ABCA13: variants seen among roughly 807,000 people sequenced by gnomAD.
ABCA13 encodes ATP-binding cassette sub-family A member 13.
A neutral mutation model predicts 478.7 loss-of-function variants in ABCA13; 476 were observed. The observed-to-expected ratio is 0.99, with a 90% CI of 0.92 to 1.07. ABCA13 has a LOEUF of 1.07. Ranked by LOEUF, ABCA13 falls within the 50% of genes least tolerant of loss-of-function variation. ABCA13 has a pLI of 0.00. For missense variants in ABCA13, 6,060 were observed against 5,910.6 expected (o/e 1.03, Z -0.83); for synonymous variants, 2,252 against 2,158.9 (o/e 1.04, Z -1.20).
At chr7:48,565,383 T>G (rs4917163) in intron 55 of ABCA13, among the ~76,000 whole-genome samples, 112,366 of 151,964 alleles carry the variant, frequency 0.74, 42,658 homozygotes, top group African/African-American at 0.91. Context: ...CACAAAGGAA[T>G]AAAATGAATA....
chr7:48,528,964 A>C lies in ABCA13; in HGVS notation c.14354+619A>C, dbSNP rs115803558. On this transcript the variant is annotated intron_variant, in intron 55 of 61. Coordinates refer to ENST00000435803, the MANE Select transcript of ABCA13 (RefSeq NM_152701.5). ...CTCTGTGGGTAACATACACTCATGCATTCCTTTATGTCACTCTTACCTGGG... is the reference window on the plus strand; with the variant it reads ...CTCTGTGGGTAACATACACTCATGCCTTCCTTTATGTCACTCTTACCTGGG... Among the ~76,000 whole-genome samples, 1,149 of 152,186 alleles carry C rather than the reference A, an allele frequency of 7.5e-3. 11 individuals carry two copies. Among genetic ancestry groups the C allele is most frequent in the African/African-American group, 0.026 (1,086 of 41,536 alleles).
chr7:48,222,045 A>G (rs1787436405), intron 5 of ABCA13, among the ~76,000 whole-genome samples: 1 of 152,252 alleles, frequency 6.6e-6, no homozygotes, highest in African/African-American at 2.4e-5. Context: ...AAAGATTTAG[A>G]CAGCTCAAAA....
At chr7:48,329,635 A>G (rs959364205) in intron 27 of ABCA13, among the ~76,000 whole-genome samples, 4 of 151,828 alleles carry the variant, frequency 2.6e-5, no homozygotes, top group South Asian at 2.1e-4. Context: ...CCATCCATCC[A>G]TGCATCCATC....
chr7:48,645,529 C>T lies in ABCA13; in HGVS notation c.*17C>T. ...CCCATCTGAGCACTAAAGAAGTTTC[C>T]ATAAGGAATAAAACCTTGTCTTCCA... On this transcript the variant is annotated 3_prime_UTR_variant, in exon 62 of 62. Coordinates refer to ENST00000435803, the MANE Select transcript of ABCA13 (RefSeq NM_152701.5). 3 of 1,552,272 alleles carry T rather than the reference C, an allele frequency of 1.9e-6. No individual in the cohort carries two copies. Among genetic ancestry groups the T allele is most frequent in the African/African-American group, 1.4e-5 (1 of 73,584 alleles).
intron 54 of ABCA13, among the ~76,000 whole-genome samples, chr7:48,526,224 G>GA (rs1832884924): frequency 6.6e-6 from 1 of 152,050 alleles, no homozygotes; most frequent in Non-Finnish European, 1.5e-5. Flanking sequence ...AGGAGGGGCC[G>GA]GAGACAGCAG....
At chr7:48,395,111 G>T (rs1816656863) in intron 38 of ABCA13, among the ~76,000 whole-genome samples, 1 of 152,224 alleles carries the variant, frequency 6.6e-6, no homozygotes, top group South Asian at 2.1e-4. Flanking sequence ...CATTACAGAA[G>T]CTTCCTAAGC....
intron 56 of ABCA13, among the ~76,000 whole-genome samples, chr7:48,582,387 A>C (rs1353445275): frequency 6.6e-6 from 1 of 152,140 alleles, no homozygotes. Flanking sequence ...CTTCTCTAAC[A>C]TGGGGCTCCT....
At chr7:48,592,076 G>T (rs1029076450) in intron 57 of ABCA13, among the ~76,000 whole-genome samples, 16 of 151,834 alleles carry the variant, frequency 1.1e-4, no homozygotes, top group East Asian at 9.6e-4. Context: ...TGAATATGAT[G>T]TTAGTTGTGG....
intron 19 of ABCA13, among the ~76,000 whole-genome samples, chr7:48,282,217 A>G (rs538443307): frequency 7.9e-5 from 12 of 152,360 alleles, no homozygotes; most frequent in African/African-American, 2.6e-4. Context: ...CTGCTGAAGG[A>G]GAGTCCCACG....
intron 43 of ABCA13, among the ~76,000 whole-genome samples, chr7:48,463,696 T>C (rs1182537391): frequency 6.6e-6 from 1 of 150,922 alleles, no homozygotes; most frequent in Non-Finnish European, 1.5e-5. Context: ...GCTGGTTGGA[T>C]CAGGAGAGGT....
At chr7:48,403,324 C>T (rs1817852254) in intron 38 of ABCA13, among the ~76,000 whole-genome samples, 1 of 152,218 alleles carries the variant, frequency 6.6e-6, no homozygotes, top group South Asian at 2.1e-4. Flanking sequence ...GTACATCAGC[C>T]ATTCCACCAT....
rs898193306 is a variant in ABCA13 at position 48,267,945 on chromosome 7, C to T, written c.2006-1035C>T. Among the ~76,000 whole-genome samples, 33 of 151,918 alleles carry T rather than the reference C, an allele frequency of 2.2e-4. 2 individuals are homozygous for T. Among genetic ancestry groups the T allele is most frequent in the African/African-American group, 7.5e-4 (31 of 41,364 alleles). On this transcript the variant is annotated intron_variant, in intron 15 of 61. Coordinates refer to ENST00000435803, the MANE Select transcript of ABCA13 (RefSeq NM_152701.5). ...ACAAATTGCTTGAAATAATTTGATT[C>T]TTTAGGATCTCGTTTTTAAGATTTG...
At chr7:48,349,799 A>G (rs1272902783) in intron 29 of ABCA13, among the ~76,000 whole-genome samples, 2 of 152,216 alleles carry the variant, frequency 1.3e-5, no homozygotes, top group Non-Finnish European at 2.9e-5. Context: ...AGCAGCTCAC[A>G]TCATTTGGAA....
At position 48,248,224 on chromosome 7, in the gene ABCA13, T is replaced by A; in HGVS notation, c.1660-15T>A. ...GCTTTATTTATTATAAGCAATATCTTCTTTTCTTGTTAAGGATCGTATTTT... is the reference window on the plus strand; with the variant it reads ...GCTTTATTTATTATAAGCAATATCTACTTTTCTTGTTAAGGATCGTATTTT... On this transcript the variant is annotated splice_polypyrimidine_tract_variant and intron_variant, in intron 13 of 61. Transcript: ENST00000435803. The A allele has an allele frequency of 1.9e-6, 3 of 1,604,470 alleles. No individual in the cohort carries two copies. The highest frequency in any genetic ancestry group is 2.6e-6 in the Non-Finnish European group (3 of 1,172,290).
intron 1 of ABCA13, among the ~76,000 whole-genome samples, chr7:48,187,706 GA>G (rs1485234542): frequency 6.6e-6 from 1 of 151,736 alleles, no homozygotes; most frequent in African/African-American, 2.4e-5. Flanking sequence ...CCACAGTGAT[GA>G]TTTTTTTGTT....
At chr7:48,401,111 T>G (rs1817542939) in intron 38 of ABCA13, among the ~76,000 whole-genome samples, 1 of 152,212 alleles carries the variant, frequency 6.6e-6, no homozygotes, top group Non-Finnish European at 1.5e-5. Context: ...ATATGCTATC[T>G]CTCTCTTGGG....
In ABCA13 at chr7:48,219,361, A is replaced by G. The variant is rs1192812176; in HGVS notation, c.295A>G (p.Arg99Gly). ...TATTTATTCTGTTTAAAGTTTGTCT[A>G]GGTTCCAAACTGCAGCTGACCCCAA... ...GSMEHHFRLS[R>G]FQTAADPKKV... The change falls in exon 4 of 62, where the codon AGG becomes GGG. Residue 99 changes from arginine (R) to glycine (G), a missense_variant. Arg to Gly is a moderately radical substitution (Grantham distance 125, BLOSUM62 -2). Around this residue, in one of 3 missense-constraint regions of ABCA13, gnomAD observed 4,423 missense variants for 4,309.1 expected, o/e 1.03. Transcript: ENST00000435803. 1 of 1,608,028 alleles carries G rather than the reference A, an allele frequency of 6.2e-7. No individual in the cohort carries two copies. Among genetic ancestry groups the G allele is most frequent in the East Asian group, 2.2e-5 (1 of 44,818 alleles).
chr7:48,245,604 C>G lies in ABCA13; in HGVS notation c.1483C>G (p.Leu495Val). ...KLEKDVFFWE[L>V]KQMLAKNAVC... ...GGAAAAGGATGTGTTCTTTTGGGAG[C>G]TGAAACAGGTAAAGCACAACAAATA... The change falls in exon 12 of 62, where the codon CTG (leucine) becomes GTG (valine). Residue 495 changes from leucine (L) to valine (V), a missense_variant. Transcript: ENST00000435803. The G allele has an allele frequency of 6.2e-7, 1 of 1,609,588 alleles. No homozygotes were observed. The highest frequency in any genetic ancestry group is 8.5e-7 in the Non-Finnish European group (1 of 1,178,500).
chr7:48,265,229 A>C (rs940581821), intron 15 of ABCA13, among the ~76,000 whole-genome samples: 3 of 151,344 alleles, frequency 2.0e-5, no homozygotes, highest in Non-Finnish European at 4.4e-5. Flanking sequence ...TAGACCTTTA[A>C]TTTTGTTCTT....
Sources: allele counts gnomAD v4.1 joint callset (sites outside exome capture counted in the v4.1 genomes callset), GRCh38; gene constraint gnomAD v4.1.1; regional missense constraint gnomAD v4.1.1; transcripts MANE v1.5; gene names NCBI Gene and HGNC (gene_info 2026-07-23, HGNC 2026-07-21).